Variants in RAPGEF2 observed in about 807,000 individuals in gnomAD.
The protein encoded by RAPGEF2 is Rap guanine nucleotide exchange factor 2.
RAPGEF2 carries 54 observed loss-of-function variants against 186.7 expected under a neutral mutation model. The ratio of observed to expected loss-of-function variants is 0.29; its 90% CI spans 0.23 to 0.36. RAPGEF2 has a LOEUF of 0.36. Ranked by LOEUF, RAPGEF2 falls within the 10% of genes least tolerant of loss-of-function variation. The pLI is 1.00. For synonymous variants in RAPGEF2, 712 were observed against 705.9 expected, an observed-to-expected ratio of 1.01 and a Z score of -0.14; for missense variants, 1,532 against 2,045.0, an observed-to-expected ratio of 0.75 and a Z score of 4.84.
intron 1 of RAPGEF2, among the ~76,000 whole-genome samples, chr4:159,155,528 T>C (rs2111202676): frequency 1.1e-5 from 1 of 88,954 alleles, no homozygotes; most frequent in East Asian, 2.3e-4. Flanking sequence ...ATGTAAGATG[T>C]TATCAGATGT....
chr4:159,106,657 T>G (rs1737922644), intron 1 of RAPGEF2, among the ~76,000 whole-genome samples: 1 of 152,244 alleles, frequency 6.6e-6, no homozygotes. Flanking sequence ...TTTGCATGAT[T>G]CTCGTTATAG....
intron 7 of RAPGEF2, among the ~76,000 whole-genome samples, chr4:159,261,345 A>T (rs908987106): frequency 6.6e-6 from 1 of 152,188 alleles, no homozygotes; most frequent in Non-Finnish European, 1.5e-5. Context: ...TACGGGCGTG[A>T]GCCACCGCAT....
intron 3 of RAPGEF2, among the ~76,000 whole-genome samples, chr4:159,198,187 C>A (rs1748880811): frequency 6.6e-6 from 1 of 151,696 alleles, no homozygotes; most frequent in East Asian, 1.9e-4. Context: ...AGCCCCCCAC[C>A]CCTACCCCAG....
chr4:159,190,608 C>A (rs1203219053), intron 2 of RAPGEF2, among the ~76,000 whole-genome samples: 1 of 152,214 alleles, frequency 6.6e-6, no homozygotes, highest in Non-Finnish European at 1.5e-5. Context: ...TTAATTGACT[C>A]ATAGTTCCGC....
chr4:159,354,846 CT>C (rs1437093605), intron 28 of RAPGEF2, among the ~76,000 whole-genome samples: 1 of 152,158 alleles, frequency 6.6e-6, no homozygotes, highest in Non-Finnish European at 1.5e-5. Flanking sequence ...GCCCTCAGTC[CT>C]GTTGAGATGT....
At chr4:159,208,418 TG>T (rs1054794875) in intron 3 of RAPGEF2, among the ~76,000 whole-genome samples, 32 of 152,232 alleles carry the variant, frequency 2.1e-4, no homozygotes, top group African/African-American at 6.7e-4. Flanking sequence ...TTGAAAGAAA[TG>T]GGGTGTGCTC....
intron 1 of RAPGEF2, among the ~76,000 whole-genome samples, chr4:159,105,986 C>T (rs1737826213): frequency 6.6e-6 from 1 of 152,142 alleles, no homozygotes; most frequent in Non-Finnish European, 1.5e-5. Flanking sequence ...GGGCGGGTCA[C>T]CAAACAAGAC....
rs934315109 is a variant in RAPGEF2, at chr4:159,211,074, T to C, written c.281+491T>C. Among the ~76,000 whole-genome samples, 5 of 152,236 alleles carry C rather than the reference T, an allele frequency of 3.3e-5. 1 individual carries two copies. The highest frequency in any genetic ancestry group is 1.2e-4 in the African/African-American group (5 of 41,456). ...ATTTGTCTGTGGATTGGCTACCTGC[T>C]CTGTAAGGCTGTTAATTCCTTTCTC... is the stretch of plus-strand genomic sequence containing the variant. On this transcript the variant is annotated intron_variant, in intron 4 of 29. Coordinates refer to ENST00000691494, the MANE Select transcript of RAPGEF2 (RefSeq NM_001394067.2).
chr4:159,308,539 C>T (rs1763574528), intron 8 of RAPGEF2, among the ~76,000 whole-genome samples: 1 of 152,184 alleles, frequency 6.6e-6, no homozygotes, highest in Non-Finnish European at 1.5e-5. Context: ...GGGTGAGCAA[C>T]TTTCTCCCCT....
intron 1 of RAPGEF2, among the ~76,000 whole-genome samples, chr4:159,136,839 A>C (rs1741776165): frequency 6.6e-6 from 1 of 152,146 alleles, no homozygotes; most frequent in Non-Finnish European, 1.5e-5. Context: ...TTAAGGAATA[A>C]TTTTTGGAAA....
In RAPGEF2 at chr4:159,210,541, G is replaced by T; in HGVS notation, c.239G>T (p.Gly80Val). Residue 80 changes from glycine (G) to valine (V), a missense_variant, in exon 4 of 30, where the codon GGT becomes GTT. Transcript: ENST00000691494. ...IGTCWYILLS[G>V]SVFIKESMFL... ...ACCTGCTGGTATATCCTTCTTTCTG[G>T]TTCCGTGTTCATCAAGGAATCCATG... 6.5e-7 allele frequency: 1 copy of T among 1,534,652 alleles called. No individual in the cohort carries two copies. The highest frequency in any genetic ancestry group is 8.7e-7 in the Non-Finnish European group (1 of 1,145,820).
chr4:159,172,450 T>A (rs1746009393), intron 1 of RAPGEF2, among the ~76,000 whole-genome samples: 1 of 152,210 alleles, frequency 6.6e-6, no homozygotes, highest in African/African-American at 2.4e-5. Flanking sequence ...GGATATTCAC[T>A]CTTACCACCC....
At chr4:159,190,142 G>A (rs202097944) in intron 2 of RAPGEF2, among the ~76,000 whole-genome samples, 1 of 152,118 alleles carries the variant, frequency 6.6e-6, no homozygotes, top group Non-Finnish European at 1.5e-5. Context: ...GGAAAGGCAG[G>A]GTCCACGGTA....
intron 1 of RAPGEF2, among the ~76,000 whole-genome samples, chr4:159,134,966 T>C (rs1741563041): frequency 6.6e-6 from 1 of 152,242 alleles, no homozygotes. Flanking sequence ...TCTTTGGGAC[T>C]GGCTTCTTTC....
chr4:159,211,682 G>C (rs945686352), intron 4 of RAPGEF2, among the ~76,000 whole-genome samples: 5 of 152,174 alleles, frequency 3.3e-5, no homozygotes, highest in African/African-American at 7.2e-5. Context: ...ATGGGCTTTT[G>C]GTGGCCAGAA....
chr4:159,114,837 T>C (rs530900105), intron 1 of RAPGEF2, among the ~76,000 whole-genome samples: 68 of 151,778 alleles, frequency 4.5e-4, no homozygotes, highest in African/African-American at 1.4e-3. Context: ...TTGGTAGGAG[T>C]GAGGGGGTGG....
At chr4:159,330,263 A>ATGTGTGTGTGTGTGTG (rs1278340762) in intron 12 of RAPGEF2, 71 bp from the exon 13 acceptor site, 106 of 410,262 alleles carry the variant, frequency 2.6e-4, no homozygotes, top group Non-Finnish European at 3.3e-4. Context: ...GTGTATATGT[A>ATGTGTGTGTGTGTGTG]TATGTGTGTG....
chr4:159,218,044 A>C (rs1484684091), intron 4 of RAPGEF2, among the ~76,000 whole-genome samples: 1 of 152,256 alleles, frequency 6.6e-6, no homozygotes, highest in Admixed American at 6.5e-5. Context: ...TATAAGTCAT[A>C]CAATGACTTA....
chr4:159,330,662 AAAATATTAGTT>A (rs1486629577), intron 13 of RAPGEF2, 164 bp downstream of exon 13: 2 of 551,442 alleles, frequency 3.6e-6, no homozygotes, highest in Non-Finnish European at 6.1e-6. Flanking sequence ...AAGGTGATAC[AAAATATTAGTT>A]CAGCCTTAGA....
Sources: allele counts gnomAD v4.1 joint callset (sites outside exome capture counted in the v4.1 genomes callset), GRCh38; gene constraint gnomAD v4.1.1; transcripts MANE v1.5; gene names NCBI Gene and HGNC (gene_info 2026-07-23, HGNC 2026-07-21).